Variants in DCLK2 observed in about 807,000 individuals in gnomAD.
DCLK2 encodes the protein doublecortin like kinase 2.
In DCLK2, 31 loss-of-function variants were observed where a neutral mutation model predicts 78.4. That is an observed-to-expected ratio of 0.40 (90% CI 0.30 to 0.53). DCLK2 has a LOEUF of 0.53. Ranked by LOEUF, DCLK2 falls within the 20% of genes least tolerant of loss-of-function variation. The pLI is 0.61. For synonymous variants in DCLK2, 407 were observed against 374.9 expected (o/e 1.09, Z -0.99); for missense variants, 872 against 973.7 (o/e 0.90, Z 1.39).
chr4:150,224,315 C>G (rs1741429752), intron 7 of DCLK2, among the ~76,000 whole-genome samples, 186 bp from the exon 8 acceptor site: 1 of 151,702 alleles, frequency 6.6e-6, no homozygotes, highest in Non-Finnish European at 1.5e-5. Context: ...CGCCTGTAAT[C>G]CCAACACTTT....
chr4:150,122,684 A>G (rs1732639252), intron 2 of DCLK2, among the ~76,000 whole-genome samples: 1 of 152,224 alleles, frequency 6.6e-6, no homozygotes, highest in Non-Finnish European at 1.5e-5. Context: ...GCAAACCACC[A>G]TAGCACGTGT....
At chr4:150,247,460 GAATTGAGATACAT>G in intron 12 of DCLK2, 130 bp from the exon 13 acceptor site, 3 of 616,162 alleles carry the variant, frequency 4.9e-6, no homozygotes, top group Non-Finnish European at 8.7e-6. Flanking sequence ...ATTACAAATG[GAATTGAGATACAT>G]AATTGAGATA....
Position 150,240,490 on chromosome 4 carries a change from T to C in DCLK2, c.1778+14T>C. 6.2e-7 allele frequency: 1 copy of C among 1,607,118 alleles called. No individual in the cohort carries two copies. Among genetic ancestry groups the C allele is most frequent in the Non-Finnish European group, 8.5e-7 (1 of 1,175,414 alleles). Reference sequence around the variant, plus strand: ...ACCATTCCGAAGGTAGGCGGCCTTTTGGGCGACGTATTTGAATTGCAAATG... The same window carrying C: ...ACCATTCCGAAGGTAGGCGGCCTTTCGGGCGACGTATTTGAATTGCAAATG... On this transcript the variant is annotated intron_variant, in intron 12 of 15. Transcript: ENST00000296550.
At chr4:150,190,295 A>G (rs576055336) in intron 2 of DCLK2, among the ~76,000 whole-genome samples, 1 of 142,666 alleles carries the variant, frequency 7.0e-6, no homozygotes, top group East Asian at 2.0e-4. Context: ...AGATAGATAG[A>G]TAGGCAGACA....
Position 150,079,500 on chromosome 4 carries a change from A to C in DCLK2, c.421+52A>C. The C allele has an allele frequency of 2.8e-6, 4 of 1,430,954 alleles. No individual in the cohort carries two copies. The Middle Eastern group carries it at 6.4e-4, about 229-fold the overall frequency. 88.6% of individuals were successfully genotyped at this position (1,430,954 alleles called of 1,614,324 possible). ...GGTGCGGCGGAGCGCCGGCAGGTGC[A>C]GTGGGCGTGAGCCGGCGCAGCGGGG... On this transcript the variant is annotated intron_variant, in intron 1 of 15. Transcript: ENST00000296550.
At chr4:150,255,985 C>T (rs1438345705) in intron 15 of DCLK2, 35 bp from the exon 16 acceptor site, 3 of 1,603,336 alleles carry the variant, frequency 1.9e-6, no homozygotes, top group African/African-American at 1.3e-5. Context: ...AGCCTGGGCC[C>T]GGGTAATGTG....
At chr4:150,146,029 A>G (rs1488236621) in intron 2 of DCLK2, among the ~76,000 whole-genome samples, 1 of 152,170 alleles carries the variant, frequency 6.6e-6, no homozygotes, top group Non-Finnish European at 1.5e-5. Flanking sequence ...GAGCAAAACA[A>G]TTTCCTGCCT....
intron 2 of DCLK2, among the ~76,000 whole-genome samples, chr4:150,146,022 CA>C (rs1560810293): frequency 6.6e-6 from 1 of 152,112 alleles, no homozygotes; most frequent in Non-Finnish European, 1.5e-5. Context: ...AAATTTTGAG[CA>C]AAACAATTTC....
At chr4:150,224,476 TG>T (rs1203469424) in intron 7 of DCLK2, 24 bp from the exon 8 acceptor site, 2 of 1,574,590 alleles carry the variant, frequency 1.3e-6, no homozygotes, top group African/African-American at 2.7e-5. Flanking sequence ...TGTCTTTAAA[TG>T]GTCTTCCTCT....
At chr4:150,162,101 G>A (rs562687789) in intron 2 of DCLK2, among the ~76,000 whole-genome samples, 15 of 152,146 alleles carry the variant, frequency 9.9e-5, no homozygotes, top group Non-Finnish European at 2.1e-4. Flanking sequence ...TACAAACATG[G>A]CTCACTGCAG....
intron 5 of DCLK2, among the ~76,000 whole-genome samples, chr4:150,219,017 A>G (rs150768228): frequency 0.011 from 1,639 of 152,190 alleles, 30 homozygotes; most frequent in African/African-American, 0.038. Context: ...CAGCCTGGGA[A>G]ACACAGTGAG....
intron 2 of DCLK2, among the ~76,000 whole-genome samples, chr4:150,153,714 C>T (rs1285117273): frequency 1.3e-5 from 2 of 152,002 alleles, no homozygotes. Flanking sequence ...TACAACAAGC[C>T]ACAAACTCTT....
chr4:150,081,025 A>G (rs1336023266), intron 1 of DCLK2, among the ~76,000 whole-genome samples: 2 of 152,204 alleles, frequency 1.3e-5, no homozygotes, highest in African/African-American at 4.8e-5. Context: ...TAAAAGCAAT[A>G]TTTGCCTAGC....
At chr4:150,086,695 A>G (rs188520276) in intron 1 of DCLK2, among the ~76,000 whole-genome samples, 19 of 152,030 alleles carry the variant, frequency 1.2e-4, no homozygotes, top group African/African-American at 4.6e-4. Context: ...TTTAGTAGAG[A>G]TGGGTTTTCA....
chr4:150,108,873 C>T (rs1014479391), intron 2 of DCLK2, among the ~76,000 whole-genome samples: 1 of 152,136 alleles, frequency 6.6e-6, no homozygotes, highest in Admixed American at 6.5e-5. Flanking sequence ...AAAACAGACC[C>T]AGAAATTGCT....
intron 5 of DCLK2, among the ~76,000 whole-genome samples, chr4:150,215,487 G>C (rs995401487): frequency 7.2e-5 from 11 of 152,138 alleles, no homozygotes; most frequent in African/African-American, 2.7e-4. Context: ...ACACTTCACT[G>C]TACTCAGGGA....
chr4:150,219,508 G>A (rs544354339), intron 5 of DCLK2, among the ~76,000 whole-genome samples: 55 of 152,072 alleles, frequency 3.6e-4, no homozygotes, highest in African/African-American at 1.3e-3. Flanking sequence ...TGATCCACCC[G>A]TCACGGCCTC....
chr4:150,233,853 G>A (rs1742264374), intron 10 of DCLK2, among the ~76,000 whole-genome samples: 1 of 152,152 alleles, frequency 6.6e-6, no homozygotes, highest in South Asian at 2.1e-4. Context: ...GACACAGCTT[G>A]CTAATTGGGA....
intron 2 of DCLK2, among the ~76,000 whole-genome samples, chr4:150,121,302 G>A (rs1407315405): frequency 2.3e-5 from 3 of 130,906 alleles, no homozygotes; most frequent in South Asian, 2.4e-4. Context: ...AAGTCCTGCT[G>A]CTGCTTTATC....
Sources: gnomAD v4.1 joint callset for allele counts (sites outside exome capture counted in the v4.1 genomes callset) on GRCh38, gnomAD v4.1.1 for gene constraint, MANE v1.5 for transcripts, NCBI Gene and HGNC (gene_info 2026-07-23, HGNC 2026-07-21) for gene names.